TF: variants seen among roughly 807,000 people sequenced by gnomAD.
The protein encoded by TF is transferrin.
A neutral mutation model predicts 82.4 loss-of-function variants in TF; 55 were observed. That is an observed-to-expected ratio of 0.67 (90% CI 0.54 to 0.84). The LOEUF (loss-of-function observed/expected upper bound fraction) is 0.84. TF is among the 40% of genes least tolerant of loss of function. The pLI, the probability that TF is intolerant of heterozygous loss-of-function variation, is 0.00. For missense variants in TF, 737 were observed against 868.4 expected, an observed-to-expected ratio of 0.85 and a Z score of 1.90; for synonymous variants, 332 against 332.6, an observed-to-expected ratio of 1.00 and a Z score of 0.02.
the TF span, among the ~76,000 whole-genome samples, chr3:133,726,061 G>C: frequency 1.3e-5 from 2 of 152,186 alleles, no homozygotes; most frequent in African/African-American, 2.4e-5. Flanking sequence ...CGGTTTGCCA[G>C]TATTTTATTG....
At position 133,746,477 on chromosome 3, in the gene TF, G is replaced by A. The variant is rs762780399; in HGVS notation, c.37G>A (p.Val13Ile). Residue 13 changes from valine (V) to isoleucine (I), a missense_variant, in exon 1 of 17, where the codon GTC (valine) becomes ATC (isoleucine). Coordinates refer to ENST00000402696, the MANE Select transcript of TF (RefSeq NM_001063.4). ...CGTGGGAGCCCTGCTGGTCTGCGCC[G>A]TCCTGGGTGAGTGCGGGCACGGGGT... Reference protein sequence around the residue: ...LAVGALLVCAVLGLCLAVPDK... With the variant: ...LAVGALLVCAILGLCLAVPDK... 2.5e-6 allele frequency: 4 copies of A among 1,598,862 alleles called. No homozygotes were observed. Among genetic ancestry groups the A allele is most frequent in the South Asian group, 1.1e-5 (1 of 89,444 alleles).
At chr3:133,663,617 G>A in the TF span, among the ~76,000 whole-genome samples, 3 of 152,098 alleles carry the variant, frequency 2.0e-5, no homozygotes, top group Non-Finnish European at 2.9e-5. Flanking sequence ...ACTCTTTTCA[G>A]CAACCCTATA....
rs909940957 is a variant in TF at position 133,756,853 on chromosome 3, C to G, written c.714C>G (p.Asp238Glu). The stretch of plus-strand genomic sequence containing the variant: ...CAGAGAACTTGGCAAACAAGGCTGA[C>G]AGGGACCAGTATGAGCTGCTTTGCC... The part of the protein sequence containing the change: ...TIFENLANKA[D>E]RDQYELLCLD... The change falls in exon 7 of 17, where the codon GAC (aspartate) becomes GAG (glutamate). Residue 238 changes from aspartate to glutamate, a missense_variant. By Grantham distance (45) the Asp-to-Glu change is conservative (BLOSUM62 2). Coordinates refer to ENST00000402696, the MANE Select transcript of TF (RefSeq NM_001063.4). 2 of 1,614,110 alleles carry G rather than the reference C, an allele frequency of 1.2e-6. No individual in the cohort carries two copies. The highest frequency in any genetic ancestry group is 1.7e-6 in the Non-Finnish European group (2 of 1,180,052).
intron 15 of TF, among the ~76,000 whole-genome samples, chr3:133,776,848 T>C (rs1328464710): frequency 6.6e-6 from 1 of 151,908 alleles, no homozygotes; most frequent in Non-Finnish European, 1.5e-5. Flanking sequence ...CTATAGATGA[T>C]TTTGGGGGCA....
At chr3:133,752,980 G>A (rs1933718395) in intron 2 of TF, among the ~76,000 whole-genome samples, 1 of 152,156 alleles carries the variant, frequency 6.6e-6, no homozygotes, top group African/African-American at 2.4e-5. Flanking sequence ...CAGTTTTATG[G>A]ACCCAGGACA....
chr3:133,671,610 T>TC, the TF span, among the ~76,000 whole-genome samples: 1 of 151,394 alleles, frequency 6.6e-6, no homozygotes, highest in African/African-American at 2.4e-5. Flanking sequence ...ATGGTGAAAC[T>TC]CCATCTCCAC....
rs1387889644 is a variant in TF at position 133,791,507 on chromosome 3, A to G, written c.*12887A>G. The stretch of plus-strand genomic sequence containing the variant: ...TGTGCAAACTGCATAAATGAATAGT[A>G]AAAGTCACTGTTTATCTCCTCTGTA... On this transcript the variant is annotated 3_prime_UTR_variant, in exon 17 of 17. Coordinates refer to ENST00000402696, the MANE Select transcript of TF (RefSeq NM_001063.4). 4 of 152,234 alleles carry G rather than the reference A, an allele frequency of 2.6e-5. No homozygotes were observed. Among genetic ancestry groups the G allele is most frequent in the African/African-American group, 9.6e-5 (4 of 41,462 alleles). The allele number at this position is 152,234 out of a possible 1,614,324, so 9.4% of individuals were successfully genotyped here.
chr3:133,672,760 G>A, the TF span, among the ~76,000 whole-genome samples: 1 of 142,910 alleles, frequency 7.0e-6, no homozygotes, highest in African/African-American at 2.6e-5. Context: ...GGAAAGGAAG[G>A]GGAGGGGAGG....
chr3:133,718,724 G>GCT, the TF span, among the ~76,000 whole-genome samples: 1 of 152,132 alleles, frequency 6.6e-6, no homozygotes, highest in Non-Finnish European at 1.5e-5. Flanking sequence ...TGATGTTGGA[G>GCT]GTTCCTCACC....
chr3:133,673,812 G>A, the TF span, among the ~76,000 whole-genome samples: 1 of 152,152 alleles, frequency 6.6e-6, no homozygotes, highest in Non-Finnish European at 1.5e-5. Flanking sequence ...AACATGTGAC[G>A]TTCTATGCAT....
rs1402133640 is a variant in TF, at chr3:133,786,936, T to G, written c.*8316T>G. 1 of 152,260 alleles carries G rather than the reference T, an allele frequency of 6.6e-6. No homozygotes were observed. The highest frequency in any genetic ancestry group is 2.4e-5 in the African/African-American group (1 of 41,468). The allele number at this position is 152,260 out of a possible 1,614,324, so 9.4% of individuals were successfully genotyped here. A position where few individuals can be genotyped will look rare whatever the true frequency, so the allele number is the denominator to read the frequency against. ...GTAAATATCTTTTTGCTAAAATTCT[T>G]GGGAAGTACTGTCTTTTGGAAGTGG... On this transcript the variant is annotated 3_prime_UTR_variant, in exon 17 of 17. Transcript: ENST00000402696.
chr3:133,676,725 C>T, the TF span, among the ~76,000 whole-genome samples: 7 of 152,244 alleles, frequency 4.6e-5, no homozygotes, highest in African/African-American at 1.7e-4. Context: ...ACTGCAGTCA[C>T]AAGGAAACCC....
At chr3:133,680,273 A>G in the TF span, among the ~76,000 whole-genome samples, 3 of 151,072 alleles carry the variant, frequency 2.0e-5, no homozygotes, top group Admixed American at 6.6e-5. Context: ...TGGCACAATC[A>G]TGGCTCACTG....
chr3:133,759,454 C>A, intron 9 of TF, 125 bp downstream of exon 9: 1 of 1,200,336 alleles, frequency 8.3e-7, no homozygotes, highest in Non-Finnish European at 1.2e-6. Flanking sequence ...CTTGCCCTGA[C>A]TATGTGAGCA....
chr3:133,662,896 T>C, the TF span, among the ~76,000 whole-genome samples: 1 of 152,232 alleles, frequency 6.6e-6, no homozygotes, highest in Non-Finnish European at 1.5e-5. Flanking sequence ...CTTTTCTTTT[T>C]AGAGCCTAAA....
the TF span, among the ~76,000 whole-genome samples, chr3:133,698,252 T>C: frequency 6.6e-6 from 1 of 152,266 alleles, no homozygotes; most frequent in African/African-American, 2.4e-5. Context: ...TGCTTCATTC[T>C]GTTGTTGCTT....
At position 133,778,822 on chromosome 3, in the gene TF, A is replaced by G. The variant is rs1934458332; in HGVS notation, c.*202A>G. 2 of 506,146 alleles carry G rather than the reference A, an allele frequency of 4.0e-6. No homozygotes were observed. Among genetic ancestry groups the G allele is most frequent in the East Asian group, 4.0e-5 (1 of 24,944 alleles). 31.4% of individuals were successfully genotyped at this position (506,146 alleles called of 1,614,324 possible). ...CTCCATTCTTTCCTAAATATTTTCA[A>G]CAAAGGATTTCTTTATGCATTCTGC... is the stretch of plus-strand genomic sequence containing the variant. On this transcript the variant is annotated 3_prime_UTR_variant, in exon 17 of 17. Transcript: ENST00000402696.
intron 1 of TF, among the ~76,000 whole-genome samples, chr3:133,746,953 A>G (rs956719724): frequency 1.8e-4 from 27 of 152,148 alleles, no homozygotes; most frequent in African/African-American, 6.3e-4. Context: ...TCTTGGATCC[A>G]AGTCCTGGCC....
intron 9 of TF, among the ~76,000 whole-genome samples, chr3:133,762,926 A>T (rs1415087774): frequency 6.6e-6 from 1 of 152,124 alleles, no homozygotes; most frequent in African/African-American, 2.4e-5. Flanking sequence ...TGTGAGGCAA[A>T]CTCCATTCTT....
Sources: allele counts gnomAD v4.1 joint callset (sites outside exome capture counted in the v4.1 genomes callset), GRCh38; gene constraint gnomAD v4.1.1; transcripts MANE v1.5; gene names NCBI Gene and HGNC (gene_info 2026-07-23, HGNC 2026-07-21).